Variants in FRAS1 observed in about 807,000 individuals in gnomAD.
The protein encoded by FRAS1 is Fraser extracellular matrix complex subunit 1, also known as extracellular matrix organizing protein FRAS1.
In FRAS1, 290 loss-of-function variants were observed where a neutral mutation model predicts 435.2. The ratio of observed to expected loss-of-function variants is 0.67; its 90% CI spans 0.61 to 0.73. The LOEUF (loss-of-function observed/expected upper bound fraction) is 0.73. Ranked by LOEUF, FRAS1 falls within the 30% of genes least tolerant of loss-of-function variation. FRAS1 has a pLI of 0.00. For missense variants in FRAS1, 4,860 were observed against 5,001.5 expected, an observed-to-expected ratio of 0.97 and a Z score of 0.85; for synonymous variants, 1,800 against 1,851.0, an observed-to-expected ratio of 0.97 and a Z score of 0.71.
At chr4:78,356,616 A>G (rs1003216498) in intron 20 of FRAS1, among the ~76,000 whole-genome samples, 1 of 152,114 alleles carries the variant, frequency 6.6e-6, no homozygotes, top group Non-Finnish European at 1.5e-5. Context: ...CAGCAGAGGG[A>G]TGTTTTTGGC....
At chr4:78,258,778 C>A (rs999402977) in intron 6 of FRAS1, among the ~76,000 whole-genome samples, 3 of 145,750 alleles carry the variant, frequency 2.1e-5, no homozygotes, top group African/African-American at 7.6e-5. Context: ...CATATGTATA[C>A]ATGTGCCATG....
rs1406301902 is a variant in FRAS1, at chr4:78,108,468, T to C, written c.108+42452T>C. The stretch of plus-strand genomic sequence containing the variant: ...TCTCACTCAAAGCCGTTCAACTACA[T>C]GGAAACTGAACAACCTGCTCCTGAA... On this transcript the variant is annotated intron_variant, in intron 2 of 73. Coordinates refer to ENST00000512123, the MANE Select transcript of FRAS1 (RefSeq NM_025074.7). 2.3e-5 allele frequency among the ~76,000 whole-genome samples: 2 copies of C among 87,674 alleles called. 1 individual carries two copies. The highest frequency in any genetic ancestry group is 4.4e-5 in the Non-Finnish European group (2 of 45,488). 57.5% of individuals were successfully genotyped at this position (87,674 alleles called of 152,430 possible).
Position 78,190,379 on chromosome 4 carries a change from C to T in FRAS1, c.109-47131C>T, listed in dbSNP as rs147258596. Among the ~76,000 whole-genome samples, 1,331 of 152,276 alleles carry T rather than the reference C, an allele frequency of 8.7e-3. 17 individuals carry two copies. The highest frequency in any genetic ancestry group is 0.03 in the African/African-American group (1,232 of 41,570). ...TTGTAAAATCACTTCCTCAGAGAGG[C>T]CTTCCCTGTCTATGCTCTCTGAACT... On this transcript the variant is annotated intron_variant, in intron 2 of 73. Transcript: ENST00000512123.
chr4:78,329,659 A>G (rs191102175), intron 18 of FRAS1, among the ~76,000 whole-genome samples: 90 of 152,374 alleles, frequency 5.9e-4, no homozygotes, highest in South Asian at 1.4e-3. Context: ...ATGCAGTGCT[A>G]TTGGAATACT....
At chr4:78,299,586 T>C (rs1728293474) in intron 14 of FRAS1, among the ~76,000 whole-genome samples, 1 of 152,214 alleles carries the variant, frequency 6.6e-6, no homozygotes, top group Admixed American at 6.5e-5. Context: ...TAATTTCTTA[T>C]CTCCTCTATA....
chr4:78,120,340 T>C (rs991925263), intron 2 of FRAS1, among the ~76,000 whole-genome samples: 4 of 152,200 alleles, frequency 2.6e-5, no homozygotes, highest in African/African-American at 9.7e-5. Context: ...GCTTATTCCA[T>C]ATATGGGCTT....
At chr4:78,473,330 T>A in intron 52 of FRAS1, 108 bp from the exon 53 acceptor site, 1 of 807,246 alleles carries the variant, frequency 1.2e-6, no homozygotes, top group East Asian at 2.7e-5. Flanking sequence ...GAAAAATAAG[T>A]TTTGTCTGTA....
intron 14 of FRAS1, among the ~76,000 whole-genome samples, chr4:78,302,266 T>C (rs1187552437): frequency 2.6e-5 from 4 of 151,476 alleles, no homozygotes; most frequent in Admixed American, 6.6e-5. Flanking sequence ...TGTTGGACAT[T>C]TGGGTTGGTT....
chr4:78,482,264 A>G, intron 57 of FRAS1, 124 bp from the exon 58 acceptor site: 2 of 1,088,178 alleles, frequency 1.8e-6, no homozygotes, highest in East Asian at 2.4e-5. Flanking sequence ...TCATCATGTT[A>G]TGGATTAGAA....
intron 2 of FRAS1, among the ~76,000 whole-genome samples, chr4:78,207,026 T>A (rs1723288531): frequency 6.6e-6 from 1 of 152,162 alleles, no homozygotes; most frequent in African/African-American, 2.4e-5. Flanking sequence ...AGGCATCAGT[T>A]GAGATAAAGC....
chr4:78,441,505 T>C (rs1734657507), intron 41 of FRAS1, among the ~76,000 whole-genome samples: 1 of 152,172 alleles, frequency 6.6e-6, no homozygotes, highest in Non-Finnish European at 1.5e-5. Context: ...AATTAAGCAC[T>C]AGGGATGTAT....
chr4:78,094,065 G>A (rs1386500846), intron 2 of FRAS1, among the ~76,000 whole-genome samples: 1 of 146,588 alleles, frequency 6.8e-6, no homozygotes, highest in African/African-American at 2.5e-5. Flanking sequence ...CAGAACATCA[G>A]TGTTGAAAGA....
intron 2 of FRAS1, among the ~76,000 whole-genome samples, chr4:78,171,760 C>T (rs924883273): frequency 6.6e-6 from 1 of 152,162 alleles, no homozygotes; most frequent in Non-Finnish European, 1.5e-5. Context: ...TCCAGCACAT[C>T]GCTGTAGCCT....
At chr4:78,153,789 T>C (rs1483478727) in intron 2 of FRAS1, among the ~76,000 whole-genome samples, 1 of 152,220 alleles carries the variant, frequency 6.6e-6, no homozygotes, top group Non-Finnish European at 1.5e-5. Context: ...TCAGTGTTTC[T>C]TGAATCTGCT....
At chr4:78,340,131 T>G (rs1310802821) in intron 20 of FRAS1, among the ~76,000 whole-genome samples, 3 of 152,190 alleles carry the variant, frequency 2.0e-5, no homozygotes, top group African/African-American at 4.8e-5. Flanking sequence ...TTGCATTAAT[T>G]TTTTAAGGCT....
chr4:78,539,167 C>A, intron 72 of FRAS1, 127 bp from the exon 73 acceptor site: 1 of 843,682 alleles, frequency 1.2e-6, no homozygotes, highest in Non-Finnish European at 1.8e-6. Context: ...GGCTTCACAG[C>A]ACATACTCTC....
chr4:78,373,663 G>A (rs564528352), intron 24 of FRAS1, among the ~76,000 whole-genome samples: 2 of 151,860 alleles, frequency 1.3e-5, no homozygotes, highest in East Asian at 3.9e-4. Context: ...TGTAATCCCA[G>A]CTACTCAGGA....
At chr4:78,437,000 A>C (rs1031932507) in intron 38 of FRAS1, among the ~76,000 whole-genome samples, 10 of 152,190 alleles carry the variant, frequency 6.6e-5, no homozygotes, top group African/African-American at 2.2e-4. Flanking sequence ...TGAGCAGAAA[A>C]GTTACCTGAG....
chr4:78,089,466 A>C (rs1278819112), intron 2 of FRAS1, among the ~76,000 whole-genome samples: 1 of 152,168 alleles, frequency 6.6e-6, no homozygotes, highest in Non-Finnish European at 1.5e-5. Context: ...TATGTTAAGA[A>C]ATGTCACAGA....
Sources: gnomAD v4.1 joint callset for allele counts (sites outside exome capture counted in the v4.1 genomes callset) on GRCh38, gnomAD v4.1.1 for gene constraint, MANE v1.5 for transcripts, NCBI Gene and HGNC (gene_info 2026-07-23, HGNC 2026-07-21) for gene names.